Variants in CHRM2 observed in about 807,000 individuals in gnomAD.
CHRM2 encodes the protein cholinergic receptor muscarinic 2.
CHRM2 carries 8 observed loss-of-function variants against 25.0 expected under a neutral mutation model. That is an observed-to-expected ratio of 0.32 (90% confidence interval 0.19 to 0.58). CHRM2 has a LOEUF of 0.58. Among genes scored for constraint, CHRM2 ranks in the 20% least tolerant of loss-of-function variants. The pLI, the probability that CHRM2 is intolerant of heterozygous loss-of-function variation, is 0.88. For missense variants in CHRM2, 440 were observed against 567.1 expected (o/e 0.78, Z 2.28); for synonymous variants, 202 against 205.7 (o/e 0.98, Z 0.15).
At chr7:136,899,457 A>G (rs1278343783) in intron 2 of CHRM2, 3 of 152,114 alleles carry the variant, frequency 2.0e-5, no homozygotes, top group South Asian at 2.1e-4. Context: ...CATGATTTCC[A>G]TCTATTAGCC....
intron 2 of CHRM2, among the ~76,000 whole-genome samples, chr7:136,984,622 A>C (rs1584877226): frequency 6.6e-6 from 1 of 152,254 alleles, no homozygotes; most frequent in South Asian, 2.1e-4. Context: ...TGAAGACCAT[A>C]GAAAAATGTA....
At chr7:136,982,521 G>A (rs949276580) in intron 2 of CHRM2, among the ~76,000 whole-genome samples, 3 of 152,170 alleles carry the variant, frequency 2.0e-5, no homozygotes, top group African/African-American at 7.2e-5. Flanking sequence ...ATTAGTTGGT[G>A]CTGTTTCTTC....
chr7:136,894,703 A>G (rs544905862), intron 2 of CHRM2, among the ~76,000 whole-genome samples: 1 of 152,148 alleles, frequency 6.6e-6, no homozygotes, highest in African/African-American at 2.4e-5. Context: ...GTCTACATAC[A>G]TTTATTTTTC....
chr7:136,964,674 T>C (rs916293214), intron 2 of CHRM2, among the ~76,000 whole-genome samples: 1 of 152,190 alleles, frequency 6.6e-6, no homozygotes, highest in Admixed American at 6.5e-5. Context: ...GTAGTCTGCC[T>C]ATGTAGTCTG....
chr7:136,932,543 A>G (rs1229196087), intron 2 of CHRM2, among the ~76,000 whole-genome samples: 2 of 152,218 alleles, frequency 1.3e-5, no homozygotes, highest in Non-Finnish European at 2.9e-5. Flanking sequence ...CTTCTCAACA[A>G]TTGTGCCACA....
chr7:136,943,515 T>G (rs1166643539), intron 2 of CHRM2, among the ~76,000 whole-genome samples: 1 of 152,182 alleles, frequency 6.6e-6, no homozygotes, highest in Non-Finnish European at 1.5e-5. Context: ...TATAATTATG[T>G]TAATTTATGC....
intron 2 of CHRM2, among the ~76,000 whole-genome samples, chr7:136,969,202 G>A (rs1801607231): frequency 6.6e-6 from 1 of 152,014 alleles, no homozygotes; most frequent in Non-Finnish European, 1.5e-5. Flanking sequence ...ACAACATGGT[G>A]AAATTCATAT....
At position 137,016,831 on chromosome 7, in the gene CHRM2, T is replaced by A. The variant is rs1021492132; in HGVS notation, c.*565T>A. Reference sequence around the variant, plus strand: ...TAGAGGATTGGAATGTAATAAATGCTTATTTTTTGCCTTTCTTTTTCCCAC... The same window carrying A: ...TAGAGGATTGGAATGTAATAAATGCATATTTTTTGCCTTTCTTTTTCCCAC... On this transcript the variant is annotated 3_prime_UTR_variant, in exon 4 of 4. Transcript: ENST00000680005. The A allele has an allele frequency of 3.0e-5, 5 of 167,324 alleles. No homozygotes were observed. Among genetic ancestry groups the A allele is most frequent in the Non-Finnish European group, 5.9e-5 (4 of 68,372 alleles). 10.4% of individuals were successfully genotyped at this position (167,324 alleles called of 1,614,324 possible). A position where few individuals can be genotyped will look rare whatever the true frequency, so the allele number is the denominator to read the frequency against.
intron 2 of CHRM2, among the ~76,000 whole-genome samples, chr7:136,932,981 G>A (rs1021385561): frequency 1.3e-5 from 2 of 152,130 alleles, no homozygotes; most frequent in African/African-American, 2.4e-5. Context: ...AGTGGGCCCA[G>A]ATTGTGCCAC....
intron 2 of CHRM2, among the ~76,000 whole-genome samples, chr7:136,945,746 G>A (rs1042538552): frequency 4.0e-5 from 6 of 151,882 alleles, no homozygotes; most frequent in African/African-American, 1.5e-4. Flanking sequence ...AAATCTTCCT[G>A]GAGGCATTCT....
At chr7:136,966,321 A>G (rs1274766448) in intron 2 of CHRM2, among the ~76,000 whole-genome samples, 2 of 151,928 alleles carry the variant, frequency 1.3e-5, no homozygotes, top group African/African-American at 4.8e-5. Context: ...CATTTTTAAT[A>G]AAATTGTCGT....
chr7:137,014,708 A>G (rs557980953), intron 3 of CHRM2, 112 bp from the exon 4 acceptor site: 1 of 716,444 alleles, frequency 1.4e-6, no homozygotes. Flanking sequence ...GTAATCATGC[A>G]GGGGAAGGGA....
intron 2 of CHRM2, among the ~76,000 whole-genome samples, chr7:136,921,800 T>C (rs920663016): frequency 3.3e-5 from 5 of 149,892 alleles, no homozygotes; most frequent in African/African-American, 1.2e-4. Flanking sequence ...CTTTCTTTTT[T>C]TTGAGACAGA....
intron 2 of CHRM2, chr7:136,902,401 T>C (rs1371414861): frequency 6.6e-6 from 1 of 152,056 alleles, no homozygotes; most frequent in Non-Finnish European, 1.5e-5. Flanking sequence ...AGGTAAGCTA[T>C]AGCATCCTCT....
At chr7:136,995,487 G>C (rs1018044473) in intron 3 of CHRM2, among the ~76,000 whole-genome samples, 1 of 152,160 alleles carries the variant, frequency 6.6e-6, no homozygotes, top group Non-Finnish European at 1.5e-5. Flanking sequence ...AAGGGGCTGG[G>C]TGTGGTGGCT....
intron 2 of CHRM2, among the ~76,000 whole-genome samples, chr7:136,886,211 A>G (rs1035956032): frequency 6.6e-6 from 1 of 152,246 alleles, no homozygotes; most frequent in Non-Finnish European, 1.5e-5. Context: ...CATCTAGCTT[A>G]TGATGTCTGC....
At chr7:136,994,633 C>T (rs767738992) in intron 3 of CHRM2, among the ~76,000 whole-genome samples, 7 of 146,616 alleles carry the variant, frequency 4.8e-5, no homozygotes, top group East Asian at 2.0e-4. Flanking sequence ...TGGGTCCAAG[C>T]GATTCTCCCT....
intron 3 of CHRM2, among the ~76,000 whole-genome samples, chr7:137,012,051 C>G (rs1804860078): frequency 6.6e-6 from 1 of 151,872 alleles, no homozygotes; most frequent in Admixed American, 6.6e-5. Flanking sequence ...CTTTTAAAAA[C>G]TAGAATATAA....
At chr7:136,907,600 A>C (rs989150836) in intron 2 of CHRM2, among the ~76,000 whole-genome samples, 1 of 151,884 alleles carries the variant, frequency 6.6e-6, no homozygotes, top group African/African-American at 2.4e-5. Flanking sequence ...AAAGTGCCCC[A>C]TTGTGCCTCT....
Sources: allele counts gnomAD v4.1 joint callset (sites outside exome capture counted in the v4.1 genomes callset), GRCh38; gene constraint gnomAD v4.1.1; transcripts MANE v1.5; gene names NCBI Gene and HGNC (gene_info 2026-07-23, HGNC 2026-07-21).